The following UBR3 variants were observed in gnomAD, a reference collection of about 807,000 sequenced individuals.
UBR3 encodes ubiquitin protein ligase E3 component n-recognin 3.
UBR3 carries 85 observed loss-of-function variants against 243.2 expected under a neutral mutation model. The ratio of observed to expected loss-of-function variants is 0.35; its 90% CI spans 0.29 to 0.42. UBR3 has a LOEUF of 0.42. UBR3 is among the 10% of genes least tolerant of loss of function. UBR3 has a pLI of 1.00. For missense variants in UBR3, 1,686 were observed against 2,300.8 expected (o/e 0.73, Z 5.47); for synonymous variants, 748 against 799.8 (o/e 0.94, Z 1.09).
intron 30 of UBR3, among the ~76,000 whole-genome samples, chr2:170,019,078 C>T (rs1309787749): frequency 6.6e-6 from 1 of 152,134 alleles, no homozygotes; most frequent in Non-Finnish European, 1.5e-5. Flanking sequence ...AATTTGTCTG[C>T]TTATTACTGT....
At chr2:169,831,935 C>T (rs1347894749) in intron 1 of UBR3, among the ~76,000 whole-genome samples, 1 of 152,076 alleles carries the variant, frequency 6.6e-6, no homozygotes, top group Non-Finnish European at 1.5e-5. Context: ...GGAAGGATTC[C>T]TTTTTTTCAG....
chr2:170,048,911 T>G lies in UBR3; in HGVS notation c.4661-6549T>G, dbSNP rs372035441. Among the ~76,000 whole-genome samples, 5 of 152,324 alleles carry G rather than the reference T, an allele frequency of 3.3e-5. No individual in the cohort carries two copies. The East Asian group carries it at 7.7e-4, about 23-fold the overall frequency. On this transcript the variant is annotated intron_variant, in intron 32 of 38. Coordinates refer to ENST00000272793, the MANE Select transcript of UBR3 (RefSeq NM_172070.4). ...TATGGCCATAGTACAGTAAATAATT[T>G]TGAGAGATCAGATTTTCATAATTTT...
At chr2:169,911,288 G>T (rs1298091180) in intron 10 of UBR3, among the ~76,000 whole-genome samples, 2 of 152,090 alleles carry the variant, frequency 1.3e-5, no homozygotes, top group East Asian at 3.8e-4. Flanking sequence ...GGCAACTATA[G>T]GTTACTACAG....
chr2:170,061,727 C>A (rs2091462106), intron 35 of UBR3, among the ~76,000 whole-genome samples: 1 of 152,170 alleles, frequency 6.6e-6, no homozygotes, highest in South Asian at 2.1e-4. Context: ...CTCGGCCTCC[C>A]AAAATGCTGG....
chr2:169,912,825 T>C (rs979124004), intron 10 of UBR3, among the ~76,000 whole-genome samples: 8 of 152,060 alleles, frequency 5.3e-5, no homozygotes, highest in African/African-American at 1.7e-4. Flanking sequence ...GTGTTGCCCA[T>C]GCTGGAGTGC....
intron 23 of UBR3, among the ~76,000 whole-genome samples, chr2:169,958,169 A>AT: frequency 1.3e-5 from 2 of 152,332 alleles, no homozygotes; most frequent in South Asian, 4.1e-4. Flanking sequence ...AAATCCAAAT[A>AT]TTCTATCTAC....
At chr2:169,920,731 T>A (rs138369562) in intron 11 of UBR3, among the ~76,000 whole-genome samples, 58 of 152,302 alleles carry the variant, frequency 3.8e-4, no homozygotes, top group African/African-American at 1.2e-3. Flanking sequence ...TAGTTCAAAT[T>A]TTTTAAGAGA....
At chr2:170,041,511 C>G (rs1474857631) in intron 32 of UBR3, among the ~76,000 whole-genome samples, 1 of 152,012 alleles carries the variant, frequency 6.6e-6, no homozygotes, top group Non-Finnish European at 1.5e-5. Flanking sequence ...TAAAAATAGT[C>G]TCATCATTTT....
intron 24 of UBR3, among the ~76,000 whole-genome samples, chr2:169,983,629 T>C (rs575090847): frequency 6.6e-6 from 1 of 152,182 alleles, no homozygotes; most frequent in African/African-American, 2.4e-5. Context: ...ATAAACTCTC[T>C]CTTGATGGGA....
chr2:169,890,567 G>GTATATATATATATGTGTATATATATGTA, intron 5 of UBR3, among the ~76,000 whole-genome samples: 3 of 59,538 alleles, frequency 5.0e-5, no homozygotes, highest in African/African-American at 2.3e-4. Context: ...ATATATATGT[G>GTATATATATATATGTGTATATATATGTA]TATATATATA....
chr2:170,021,414 C>T (rs1407757401), intron 30 of UBR3, among the ~76,000 whole-genome samples: 2 of 152,100 alleles, frequency 1.3e-5, no homozygotes, highest in Non-Finnish European at 2.9e-5. Flanking sequence ...GGCCTGCTTG[C>T]TTCCTCATAC....
At position 169,955,254 on chromosome 2, in the gene UBR3, AGAGATACTAT is replaced by A. The variant is rs142698038; in HGVS notation, c.3546-3177_3546-3168del. ...TTTACAATTAATACGTAATTTGTGG[AGAGATACTAT>A]GAGATATTGTAATATCCCAATTCAT... On this transcript the variant is annotated intron_variant, in intron 23 of 38. Coordinates refer to ENST00000272793, the MANE Select transcript of UBR3 (RefSeq NM_172070.4). Among the ~76,000 whole-genome samples, 1,076 of 152,324 alleles carry A rather than the reference AGAGATACTAT, an allele frequency of 7.1e-3. 7 individuals carry two copies. Among genetic ancestry groups the A allele is most frequent in the African/African-American group, 0.024 (1,011 of 41,570 alleles).
chr2:169,871,518 C>T (rs971394833), intron 1 of UBR3, among the ~76,000 whole-genome samples: 2 of 151,284 alleles, frequency 1.3e-5, no homozygotes, highest in Non-Finnish European at 3.0e-5. Flanking sequence ...CCGAGGCGGG[C>T]GGAGCACCTG....
At chr2:170,001,785 C>T (rs2089707270) in intron 27 of UBR3, among the ~76,000 whole-genome samples, 1 of 151,750 alleles carries the variant, frequency 6.6e-6, no homozygotes, top group African/African-American at 2.4e-5. Context: ...TGGTGGTGTG[C>T]ACCTGTAATC....
chr2:169,931,721 T>C (rs1391984612), intron 18 of UBR3, among the ~76,000 whole-genome samples: 1 of 152,174 alleles, frequency 6.6e-6, no homozygotes, highest in African/African-American at 2.4e-5. Context: ...TCTACTGAAA[T>C]ATACTTAGTA....
chr2:170,007,683 G>A (rs2089963404), intron 28 of UBR3, among the ~76,000 whole-genome samples: 2 of 151,940 alleles, frequency 1.3e-5, no homozygotes, highest in Admixed American at 1.3e-4. Flanking sequence ...GACCAACATG[G>A]CAAAACCGCA....
intron 24 of UBR3, among the ~76,000 whole-genome samples, chr2:169,975,387 G>A (rs2088380526): frequency 6.6e-6 from 1 of 152,142 alleles, no homozygotes; most frequent in Admixed American, 6.6e-5. Flanking sequence ...ATCTATCCTG[G>A]AAAATGTTCC....
chr2:169,919,069 G>A (rs13005554), intron 11 of UBR3, among the ~76,000 whole-genome samples: 64,351 of 151,976 alleles, frequency 0.42, 15,222 homozygotes, highest in Non-Finnish European at 0.54. Flanking sequence ...TCCAGTGGGA[G>A]AAGGGATATA....
chr2:169,909,220 C>T (rs926690310), intron 10 of UBR3, among the ~76,000 whole-genome samples: 3 of 152,018 alleles, frequency 2.0e-5, no homozygotes, highest in Non-Finnish European at 2.9e-5. Context: ...TGCAGGTATT[C>T]GCAGATCATG....
Sources: allele counts gnomAD v4.1 joint callset (sites outside exome capture counted in the v4.1 genomes callset), GRCh38; gene constraint gnomAD v4.1.1; transcripts MANE v1.5; gene names NCBI Gene and HGNC (gene_info 2026-07-23, HGNC 2026-07-21).